The following ANK1 variants were observed in gnomAD, a reference collection of about 807,000 sequenced individuals.
The protein encoded by ANK1 is ankyrin 1, also known as ankyrin-1.
A neutral mutation model predicts 210.4 loss-of-function variants in ANK1; 51 were observed. The observed-to-expected ratio is 0.24, with a 90% confidence interval of 0.19 to 0.31. ANK1 has a LOEUF of 0.31. Ranked by LOEUF, ANK1 falls within the 10% of genes least tolerant of loss-of-function variation. ANK1 has a pLI of 1.00. For missense variants in ANK1, 2,051 were observed against 2,504.4 expected (o/e 0.82, Z 3.86); for synonymous variants, 967 against 1,025.9 (o/e 0.94, Z 1.10).
At chr8:41,658,420 G>C (rs917589335) in intron 42 of ANK1, among the ~76,000 whole-genome samples, 6 of 152,184 alleles carry the variant, frequency 3.9e-5, no homozygotes, top group Admixed American at 1.3e-4. Flanking sequence ...TTGAAGTGTA[G>C]CACATTCGAA....
Position 41,856,874 on chromosome 8 carries a change from CTTT to C in ANK1, c.126+39478_126+39480del, listed in dbSNP as rs35341809. On this transcript the variant is annotated intron_variant, in intron 1 of 42. Coordinates refer to the ANK1 transcript ENST00000265709. ...TTTCGCCTTGGTGCTTAACAGCCCT[CTTT>C]TTTTTTTTTTTTTTTTTTTTTTGAG... Among the ~76,000 whole-genome samples the C allele has an allele frequency of 5.9e-3, 565 of 95,196 alleles. 2 individuals are homozygous for C. The highest frequency in any genetic ancestry group is 0.018 in the African/African-American group (365 of 20,816). 62.5% of individuals were successfully genotyped at this position (95,196 alleles called of 152,430 possible).
At chr8:41,822,140 A>AAG (rs1366013472) in intron 1 of ANK1, among the ~76,000 whole-genome samples, 44 of 32,846 alleles carry the variant, frequency 1.3e-3, no homozygotes, top group East Asian at 3.8e-3. Flanking sequence ...AAGAGAAAGA[A>AAG]AGAAAGAAAG....
intron 7 of ANK1, among the ~76,000 whole-genome samples, chr8:41,724,086 C>T (rs1830070469): frequency 6.6e-6 from 1 of 152,144 alleles, no homozygotes; most frequent in South Asian, 2.1e-4. Flanking sequence ...CCGCGCCCGG[C>T]CTAAGACATT....
chr8:41,788,639 G>A (rs183106010), intron 1 of ANK1, among the ~76,000 whole-genome samples: 97 of 152,250 alleles, frequency 6.4e-4, no homozygotes, highest in African/African-American at 2.2e-3. Flanking sequence ...GCATGGTGGC[G>A]GGTACAAAGT....
At chr8:41,729,165 T>G (rs976432936) in intron 3 of ANK1, among the ~76,000 whole-genome samples, 9 of 152,020 alleles carry the variant, frequency 5.9e-5, no homozygotes, top group Non-Finnish European at 1.3e-4. Context: ...TGGGGGGTAA[T>G]AAATGGAATA....
chr8:41,888,332 C>T (rs764809500), intron 1 of ANK1, among the ~76,000 whole-genome samples: 2 of 152,234 alleles, frequency 1.3e-5, no homozygotes, highest in African/African-American at 4.8e-5. Context: ...CGTATACACA[C>T]GCTTACATAT....
At position 41,704,690 on chromosome 8, in the gene ANK1, A is replaced by T. The variant is rs1378142650; in HGVS notation, c.2098-218T>A. 6.6e-6 allele frequency among the ~76,000 whole-genome samples: 1 copy of T among 152,176 alleles called. No individual in the cohort carries two copies. The highest frequency in any genetic ancestry group is 2.4e-5 in the African/African-American group (1 of 41,448). On this transcript the variant is annotated intron_variant, in intron 18 of 42. Transcript: ENST00000289734. The surrounding 1 kb of genome is among the most constrained non-coding windows in gnomAD (Gnocchi z 4.1). ...TCAAGCGGGCAACTGGAAAATGGAC[A>T]CTGAACCGCGAGAAGAGGGCTATGC...
intron 1 of ANK1, among the ~76,000 whole-genome samples, chr8:41,792,158 C>T (rs1394871936): frequency 6.6e-6 from 1 of 152,112 alleles, no homozygotes; most frequent in Non-Finnish European, 1.5e-5. Flanking sequence ...GAGCAGCAGC[C>T]GAGGGGAGGG....
At chr8:41,760,910 A>C (rs1274303597) in intron 1 of ANK1, among the ~76,000 whole-genome samples, 1 of 152,150 alleles carries the variant, frequency 6.6e-6, no homozygotes, top group Non-Finnish European at 1.5e-5. Flanking sequence ...TCCTAAAAAA[A>C]ACATGCTGCA....
rs961422651 is a variant in ANK1 at position 41,717,149 on chromosome 8, T to A, written c.1306-98A>T. 1.7e-5 allele frequency: 23 copies of A among 1,342,924 alleles called. No homozygotes were observed. The Admixed American group carries it at 3.8e-4, about 22-fold the overall frequency. The allele number at this position is 1,342,924 out of a possible 1,614,324, so 83.2% of individuals were successfully genotyped here. Reference sequence around the variant, plus strand: ...GTGCAGTCTGGAGTGGCTTGGTGGGTTTTTGTCCAAGAGGTGGAGTTGCCC... The same window carrying A: ...GTGCAGTCTGGAGTGGCTTGGTGGGATTTTGTCCAAGAGGTGGAGTTGCCC... On this transcript the variant is annotated intron_variant, in intron 12 of 42. Coordinates refer to ENST00000289734, the MANE Select transcript of ANK1 (RefSeq NM_000037.4).
At chr8:41,729,679 G>A (rs1016573397) in intron 3 of ANK1, among the ~76,000 whole-genome samples, 3 of 152,348 alleles carry the variant, frequency 2.0e-5, no homozygotes, top group East Asian at 3.9e-4. Flanking sequence ...AACATTCTCC[G>A]GTTTTCTTGT....
chr8:41,824,799 A>G (rs1036358983), intron 1 of ANK1, among the ~76,000 whole-genome samples: 1 of 152,112 alleles, frequency 6.6e-6, no homozygotes, highest in African/African-American at 2.4e-5. Flanking sequence ...GTGTAGGTGA[A>G]AGACCCACTA....
chr8:41,730,199 C>A (rs1031957329), intron 3 of ANK1, among the ~76,000 whole-genome samples: 2 of 152,274 alleles, frequency 1.3e-5, no homozygotes, highest in South Asian at 4.1e-4. Flanking sequence ...GTGTGGCCCC[C>A]CAGCCGCTGC....
chr8:41,765,526 C>T (rs1486352106), intron 1 of ANK1, among the ~76,000 whole-genome samples: 1 of 152,130 alleles, frequency 6.6e-6, no homozygotes, highest in African/African-American at 2.4e-5. Context: ...GGATTACAAG[C>T]ATGCGCCACT....
At position 41,842,507 on chromosome 8, in the gene ANK1, A is replaced by T. The variant is rs577027954; in HGVS notation, c.126+53848T>A. Among the ~76,000 whole-genome samples the T allele has an allele frequency of 5.4e-3, 820 of 151,888 alleles. 7 individuals are homozygous for T. Among genetic ancestry groups the T allele is most frequent in the African/African-American group, 0.018 (740 of 41,464 alleles). ...GACTCTATCTCAAAAAAAAAAAAAAATTTTTGGAATGAAGCCCTGGCTCTG... is the reference window on the plus strand; with the variant it reads ...GACTCTATCTCAAAAAAAAAAAAAATTTTTTGGAATGAAGCCCTGGCTCTG... On this transcript the variant is annotated intron_variant, in intron 1 of 42. Coordinates refer to the ANK1 transcript ENST00000265709.
upstream of ANK1, among the ~76,000 whole-genome samples, chr8:41,802,146 C>T (rs187588900): frequency 5.9e-5 from 9 of 152,254 alleles, no homozygotes; most frequent in East Asian, 1.9e-4. Flanking sequence ...CTCACCACCA[C>T]GCCTGGCTAA....
At chr8:41,887,524 G>A (rs1724840519) in intron 1 of ANK1, among the ~76,000 whole-genome samples, 2 of 152,088 alleles carry the variant, frequency 1.3e-5, no homozygotes, top group Admixed American at 6.5e-5. Context: ...CTCCCAAAAT[G>A]CTGGGATTAC....
At chr8:41,866,654 C>T (rs1027228095) in intron 1 of ANK1, among the ~76,000 whole-genome samples, 3 of 152,240 alleles carry the variant, frequency 2.0e-5, no homozygotes, top group African/African-American at 7.2e-5. Context: ...CACTGGAAAT[C>T]ACTGTTCTAC....
intron 1 of ANK1, among the ~76,000 whole-genome samples, chr8:41,882,247 AAC>A (rs1817716643): frequency 6.6e-6 from 1 of 152,104 alleles, no homozygotes; most frequent in Non-Finnish European, 1.5e-5. Flanking sequence ...AGCTCCATGT[AAC>A]ACCACGGGAC....
Sources: allele counts gnomAD v4.1 joint callset (sites outside exome capture counted in the v4.1 genomes callset), GRCh38; gene constraint gnomAD v4.1.1; non-coding constraint Gnocchi (gnomAD v3.1); transcripts MANE v1.5; gene names NCBI Gene and HGNC (gene_info 2026-07-23, HGNC 2026-07-21).